Variants in PPFIA3 observed in about 807,000 individuals in gnomAD.
The protein encoded by PPFIA3 is PPFI scaffold protein A3.
A neutral mutation model predicts 145.8 loss-of-function variants in PPFIA3; 26 were observed. The observed-to-expected ratio is 0.18, with a 90% confidence interval of 0.13 to 0.25. The LOEUF (loss-of-function observed/expected upper bound fraction) is 0.25, where lower values mean the gene tolerates loss of function less well. Ranked by LOEUF, PPFIA3 falls within the 10% of genes least tolerant of loss-of-function variation. PPFIA3 has a pLI of 1.00. For missense variants in PPFIA3, 1,008 were observed against 1,587.8 expected (o/e 0.63, Z 6.21); for synonymous variants, 645 against 661.4 (o/e 0.98, Z 0.38).
At chr19:49,132,065 G>A (rs2041080152) in intron 7 of PPFIA3, among the ~76,000 whole-genome samples, 1 of 150,982 alleles carries the variant, frequency 6.6e-6, no homozygotes, top group Non-Finnish European at 1.5e-5. Context: ...CTTGGGAGGT[G>A]GAAGTTGCAG....
chr19:49,126,282 A>C lies in PPFIA3; in HGVS notation c.-15-1577A>C, dbSNP rs553647821. 2.1e-5 allele frequency among the ~76,000 whole-genome samples: 3 copies of C among 145,686 alleles called. No homozygotes were observed. In the East Asian group the frequency reaches 6.2e-4, roughly 30 times the overall value. On this transcript the variant is annotated intron_variant, in intron 1 of 29. Coordinates refer to ENST00000334186, the MANE Select transcript of PPFIA3 (RefSeq NM_003660.4). ...TTTTTTTTTTGAAATGGAATCTCAC[A>C]CTGTTGCCCAGGCTGGAGTTCAGTG...
At chr19:49,132,402 A>G (rs2041085555) in intron 7 of PPFIA3, among the ~76,000 whole-genome samples, 1 of 147,754 alleles carries the variant, frequency 6.8e-6, no homozygotes, top group Middle Eastern at 3.4e-3. Context: ...AAAAAAAAAA[A>G]AAAAAAAAAA....
At chr19:49,139,595 A>T (rs2041187951) in intron 16 of PPFIA3, 73 bp from the exon 17 acceptor site, 4 of 1,461,254 alleles carry the variant, frequency 2.7e-6, no homozygotes, top group Middle Eastern at 1.8e-4. Flanking sequence ...ACCTTAGTAG[A>T]CATCTCAGTT....
At chr19:49,147,972 A>G in intron 23 of PPFIA3, 111 bp from the exon 24 acceptor site, 1 of 1,146,716 alleles carries the variant, frequency 8.7e-7, no homozygotes. Flanking sequence ...TCATTGTCCT[A>G]CCATGGGGTG....
Position 49,128,279 on chromosome 19 carries a change from C to T in PPFIA3, c.241-88C>T, listed in dbSNP as rs1189543059. 2.0e-6 allele frequency: 3 copies of T among 1,522,080 alleles called. No individual in the cohort carries two copies. Among genetic ancestry groups the T allele is most frequent in the East Asian group, 4.5e-5 (2 of 44,088 alleles). The allele number at this position is 1,522,080 out of a possible 1,614,324, so 94.3% of individuals were successfully genotyped here. ...GGACAGCGGGACTTAGCAGGGAGGG[C>T]GGGACCTTCAAACTTCCAGTCCCAG... On this transcript the variant is annotated intron_variant, in intron 2 of 29. Coordinates refer to ENST00000334186, the MANE Select transcript of PPFIA3 (RefSeq NM_003660.4). The surrounding 1 kb of genome is among the most constrained non-coding windows in gnomAD (Gnocchi z 4.1).
chr19:49,146,265 C>T (rs1431564043), intron 23 of PPFIA3, 73 bp downstream of exon 23: 2 of 1,531,464 alleles, frequency 1.3e-6, no homozygotes, highest in Non-Finnish European at 1.8e-6. Flanking sequence ...TCCTCCGAGC[C>T]CTGCCCCTGC....
chr19:49,132,438 C>A (rs953630260), intron 7 of PPFIA3, among the ~76,000 whole-genome samples: 7 of 142,414 alleles, frequency 4.9e-5, no homozygotes, highest in Admixed American at 4.3e-4. Flanking sequence ...AGAGAGAGAA[C>A]CTTCATCTGG....
rs745614666 is a variant in PPFIA3 at position 49,135,772 on chromosome 19, C to G, written c.1521-7C>G. On this transcript the variant is annotated splice_polypyrimidine_tract_variant and splice_region_variant and intron_variant, in intron 13 of 29. Transcript: ENST00000334186. ...TTGGTCTCTGACTGCTTTCCTCATG[C>G]CCACAGGTCTCTCCCTGGCAGTGCC... The G allele has an allele frequency of 6.2e-7, 1 of 1,603,646 alleles. No individual in the cohort carries two copies. Among genetic ancestry groups the G allele is most frequent in the Non-Finnish European group, 8.5e-7 (1 of 1,174,784 alleles).
At chr19:49,146,267 T>C (rs1325981626) in intron 23 of PPFIA3, 75 bp downstream of exon 23, 3 of 1,531,568 alleles carry the variant, frequency 2.0e-6, no homozygotes, top group East Asian at 2.3e-5. Context: ...CTCCGAGCCC[T>C]GCCCCTGCCT....
chr19:49,140,639 CTTTT>C (rs4002348), intron 18 of PPFIA3, among the ~76,000 whole-genome samples: 2 of 63,828 alleles, frequency 3.1e-5, no homozygotes, highest in African/African-American at 7.8e-5. Flanking sequence ...ACTCATTTAC[CTTTT>C]TTTTTTTTTT....
Position 49,120,970 on chromosome 19 carries a change from A to G in PPFIA3, c.-16+1248A>G, listed in dbSNP as rs941370158. 2.6e-5 allele frequency among the ~76,000 whole-genome samples: 4 copies of G among 152,028 alleles called. No homozygotes were observed. Among genetic ancestry groups the G allele is most frequent in the Non-Finnish European group, 5.9e-5 (4 of 68,010 alleles). ...CCACTGCCCTCCCCAGCAGGTATCT[A>G]GTTTCTCAGGTCTCACTTTTAGGAA... On this transcript the variant is annotated intron_variant, in intron 1 of 29. Transcript: ENST00000334186. The surrounding 1 kb of genome is among the most constrained non-coding windows in gnomAD (Gnocchi z 4.6).
rs868135650 is a variant in PPFIA3, at chr19:49,119,906, C to T, written c.-16+184C>T. On this transcript the variant is annotated intron_variant, in intron 1 of 29. Transcript: ENST00000334186. Reference sequence around the variant, plus strand: ...CGGCGCCCAGAGTCCCCGACCGAACCCTAGAATCCCGGGCGCACCGCCGCC... The same window carrying T: ...CGGCGCCCAGAGTCCCCGACCGAACTCTAGAATCCCGGGCGCACCGCCGCC... Among the ~76,000 whole-genome samples, 5 of 151,896 alleles carry T rather than the reference C, an allele frequency of 3.3e-5. No individual in the cohort carries two copies. The East Asian group carries it at 5.8e-4, about 18-fold the overall frequency.
chr19:49,149,851 C>T lies in PPFIA3; in HGVS notation c.3526+133C>T. On this transcript the variant is annotated intron_variant, in intron 28 of 29. Transcript: ENST00000334186. The surrounding 1 kb of genome is among the most constrained non-coding windows in gnomAD (Gnocchi z 5.7). ...CTGAGGAATGGACTGCTCCAACGTT[C>T]CGGACTCCCCCGTCAGGATGAAATG... 1 of 1,217,426 alleles carries T rather than the reference C, an allele frequency of 8.2e-7. No homozygotes were observed. The highest frequency in any genetic ancestry group is 1.1e-6 in the Non-Finnish European group (1 of 891,180). The allele number at this position is 1,217,426 out of a possible 1,614,324, so 75.4% of individuals were successfully genotyped here. A position where few individuals can be genotyped will look rare whatever the true frequency, so the allele number is the denominator to read the frequency against.
Position 49,133,487 on chromosome 19 carries a change from G to T in PPFIA3, c.1161+116G>T, listed in dbSNP as rs979053701. 8 of 1,298,424 alleles carry T rather than the reference G, an allele frequency of 6.2e-6. No individual in the cohort carries two copies. In the African/African-American group the frequency reaches 1.0e-4, roughly 17 times the overall value. 80.4% of individuals were successfully genotyped at this position (1,298,424 alleles called of 1,614,324 possible). A position where few individuals can be genotyped will look rare whatever the true frequency, so the allele number is the denominator to read the frequency against. ...GTCAGAACCCCGGATTTGGGGGAAA[G>T]GGTGGGGCCTAGGGGCTGGGAAAGG... On this transcript the variant is annotated intron_variant, in intron 9 of 29. Coordinates refer to ENST00000334186, the MANE Select transcript of PPFIA3 (RefSeq NM_003660.4). This position sits in a 1 kb window ranked among gnomAD's most constrained non-coding sequence, Gnocchi z 7.2.
chr19:49,148,190 T>G lies in PPFIA3; in HGVS notation c.2943T>G (p.Ala981=). The change falls in exon 24 of 30, where the codon GCT becomes GCG. Residue 981 remains alanine, a synonymous_variant. Transcript: ENST00000334186. The stretch of plus-strand genomic sequence containing the variant: ...ACTTCATGGAGTCGCTGGTGGACGC[T>G]CGAATGTTAGATCACCTTAACAAGA... The part of the protein sequence containing the change: ...RSYFMESLVD[A]RMLDHLNKKE... 2 of 1,614,132 alleles carry G rather than the reference T, an allele frequency of 1.2e-6. No individual in the cohort carries two copies. Among genetic ancestry groups the G allele is most frequent in the African/African-American group, 2.7e-5 (2 of 75,024 alleles).
rs2041323852 is a variant in PPFIA3 at position 49,149,764 on chromosome 19, T to G, written c.3526+46T>G. ...ACAGCCCTTCCTCGCTTCCCTAGGG[T>G]GGGGCATGGACCACCTCAGTAGTCC... On this transcript the variant is annotated intron_variant, in intron 28 of 29. Coordinates refer to ENST00000334186, the MANE Select transcript of PPFIA3 (RefSeq NM_003660.4). This position sits in a 1 kb window ranked among gnomAD's most constrained non-coding sequence, Gnocchi z 5.7. 6.4e-7 allele frequency: 1 copy of G among 1,563,670 alleles called. No homozygotes were observed. Among genetic ancestry groups the G allele is most frequent in the Non-Finnish European group, 8.6e-7 (1 of 1,158,590 alleles).
At chr19:49,146,306 G>A (rs543574383) in intron 23 of PPFIA3, 114 bp downstream of exon 23, 7 of 1,342,580 alleles carry the variant, frequency 5.2e-6, no homozygotes, top group Admixed American at 2.2e-5. Context: ...ATCCCCATGG[G>A]GGGGCGCTGC....
chr19:49,142,425 G>A (rs1230399472), intron 20 of PPFIA3, among the ~76,000 whole-genome samples: 1 of 151,832 alleles, frequency 6.6e-6, no homozygotes, highest in Non-Finnish European at 1.5e-5. Flanking sequence ...CTCTGACCAC[G>A]CTTTTGTCAT....
chr19:49,124,409 A>G (rs2040972729), intron 1 of PPFIA3, among the ~76,000 whole-genome samples: 1 of 152,030 alleles, frequency 6.6e-6, no homozygotes, highest in Non-Finnish European at 1.5e-5. Flanking sequence ...TCTGAGTTCT[A>G]GATTTTATCT....
Sources: gnomAD v4.1 joint callset for allele counts (sites outside exome capture counted in the v4.1 genomes callset) on GRCh38, gnomAD v4.1.1 for gene constraint, Gnocchi (gnomAD v3.1) non-coding constraint, MANE v1.5 for transcripts, NCBI Gene and HGNC (gene_info 2026-07-23, HGNC 2026-07-21) for gene names.